PLCB2: variants seen among roughly 807,000 people sequenced by gnomAD.
PLCB2 encodes phospholipase C beta 2.
In PLCB2, 115 loss-of-function variants were observed where a neutral mutation model predicts 141.7. The observed-to-expected ratio is 0.81, with a 90% CI of 0.70 to 0.95. The LOEUF (loss-of-function observed/expected upper bound fraction) is 0.95, where lower values mean the gene tolerates loss of function less well. Ranked by LOEUF, PLCB2 falls within the 40% of genes least tolerant of loss-of-function variation. PLCB2 has a pLI of 0.00. For missense variants in PLCB2, 1,403 were observed against 1,541.1 expected (o/e 0.91, Z 1.50); for synonymous variants, 603 against 595.6 (o/e 1.01, Z -0.18).
chr15:40,305,331 G>A (rs978509482), intron 1 of PLCB2, among the ~76,000 whole-genome samples: 3 of 152,050 alleles, frequency 2.0e-5, no homozygotes, highest in African/African-American at 7.2e-5. Context: ...TTGTCCTAAT[G>A]CTCTCCCTCC....
At chr15:40,284,499 A>C, downstream of PLCB2, 1 of 455,988 alleles carries the variant, frequency 2.2e-6, no homozygotes, top group Non-Finnish European at 4.4e-6. Context: ...CGGGCCTTTT[A>C]AAGATAGGCC....
intron 1 of PLCB2, among the ~76,000 whole-genome samples, chr15:40,306,378 G>A (rs1198750034): frequency 6.6e-6 from 1 of 152,168 alleles, no homozygotes; most frequent in African/African-American, 2.4e-5. Context: ...AGCTTAGGAA[G>A]AAGGACAGTC....
rs1566877217 is a variant in PLCB2 at position 40,293,727 on chromosome 15, G to A, written c.2062-3C>T. On this transcript the variant is annotated splice_region_variant and splice_polypyrimidine_tract_variant and intron_variant, in intron 19 of 31. Coordinates refer to ENST00000260402, the MANE Select transcript of PLCB2 (RefSeq NM_004573.3). ...GACAGGAACTGCCCAGAGATCACCT[G>A]GGGGTAGGGGCCCAGGAAAACCAGC... 6.2e-7 allele frequency: 1 copy of A among 1,603,734 alleles called. No individual in the cohort carries two copies. Among genetic ancestry groups the A allele is most frequent in the South Asian group, 1.1e-5 (1 of 90,870 alleles).
At chr15:40,285,514 CAT>C, downstream of PLCB2, 1 of 984,578 alleles carries the variant, frequency 1.0e-6, no homozygotes, top group Non-Finnish European at 1.2e-6. Context: ...TCTAGAGCTG[CAT>C]AGTTATTTAG....
At chr15:40,289,246 G>A (rs769752570) in intron 31 of PLCB2, 26 bp downstream of exon 31, 4 of 1,583,580 alleles carry the variant, frequency 2.5e-6, no homozygotes, top group Admixed American at 1.7e-5. Context: ...CAGTTCTGCT[G>A]GGGGTCCCAG....
At position 40,302,315 on chromosome 15, in the gene PLCB2, T is replaced by C; in HGVS notation, c.407A>G (p.His136Arg). ...WAEDVLALVK[H>R]PLTANASRST... ...GCGGGAGGCGTTGGCCGTCAGCGGA[T>C]GTTTGACTAGGGCCAGTACGTCCTC... The change falls in exon 5 of 32, where the codon CAT (histidine) becomes CGT (arginine). Residue 136 changes from histidine (H) to arginine (R), a missense_variant. By Grantham distance (29) the His-to-Arg change is conservative. Transcript: ENST00000260402. 1.2e-6 allele frequency: 2 copies of C among 1,614,058 alleles called. No homozygotes were observed. Among genetic ancestry groups the C allele is most frequent in the Admixed American group, 1.7e-5 (1 of 60,022 alleles).
chr15:40,301,415 C>A, intron 7 of PLCB2: 1 of 613,880 alleles, frequency 1.6e-6, no homozygotes, highest in Non-Finnish European at 2.9e-6. Context: ...ATGGGGTGAC[C>A]CTGCTTACAA....
intron 1 of PLCB2, among the ~76,000 whole-genome samples, chr15:40,307,269 C>T (rs550484836): frequency 6.6e-6 from 1 of 152,266 alleles, no homozygotes; most frequent in Admixed American, 6.5e-5. Context: ...CCTGCCTCAG[C>T]TCTGGGGTGC....
chr15:40,306,424 C>G (rs537832385), intron 1 of PLCB2, among the ~76,000 whole-genome samples: 18 of 152,270 alleles, frequency 1.2e-4, no homozygotes, highest in African/African-American at 4.1e-4. Flanking sequence ...CCACTGCCAC[C>G]CTGTGACCCT....
chr15:40,298,032 C>A, intron 11 of PLCB2, 73 bp from the exon 12 acceptor site: 1 of 1,274,020 alleles, frequency 7.8e-7, no homozygotes, highest in Admixed American at 1.8e-5. Flanking sequence ...CACTTTTCCC[C>A]CCTGCCTAGT....
chr15:40,298,336 C>T lies in PLCB2; in HGVS notation c.1042G>A (p.Val348Met). Residue 348 changes from valine to methionine, a missense_variant, in exon 11 of 32, where the codon GTG (valine) becomes ATG (methionine). Around this residue, in one of 4 missense-constraint regions of PLCB2, gnomAD observed 975 missense variants for 1,141.1 expected, o/e 0.85. Transcript: ENST00000260402. Reference sequence around the variant, plus strand: ...ACGCAACGGCAGCCAGAGAGCAGCACCTGGCGGTACATCTCAGCCGAGGAG... The same window carrying T: ...ACGCAACGGCAGCCAGAGAGCAGCATCTGGCGGTACATCTCAGCCGAGGAG... The part of the protein sequence containing the change: ...GLSSAEMYRQ[V>M]LLSGCRCVEL... 6.2e-7 allele frequency: 1 copy of T among 1,604,696 alleles called. No individual in the cohort carries two copies. The highest frequency in any genetic ancestry group is 8.5e-7 in the Non-Finnish European group (1 of 1,173,852).
chr15:40,290,577 C>A lies in PLCB2; in HGVS notation c.3209G>T (p.Arg1070Met), dbSNP rs929381917. The A allele has an allele frequency of 1.2e-6, 2 of 1,612,142 alleles. No homozygotes were observed. The highest frequency in any genetic ancestry group is 2.7e-5 in the African/African-American group (2 of 74,900). Residue 1070 changes from arginine to methionine, a missense_variant and splice_region_variant, in exon 29 of 32, where the codon AGG becomes ATG. Physicochemically the swap from Arg to Met is moderately conservative, Grantham distance 91. Coordinates refer to ENST00000260402, the MANE Select transcript of PLCB2 (RefSeq NM_004573.3). The part of the protein sequence containing the change: ...KVTTDKMAQE[R>M]LKREINNSHI... The stretch of plus-strand genomic sequence containing the variant: ...CCTGGGCCTCCCCTCCAGGGCTCAC[C>A]TCTCCTGGGCCATCTTGTCTGTGGT...
chr15:40,299,283 C>T lies in PLCB2; in HGVS notation c.583-55G>A, dbSNP rs1463619131. ...CCCTCACCTTCTCAGAGCTAAGAACCACAAACTCGGCCCAGCCCTGGTCAA... is the reference window on the plus strand; with the variant it reads ...CCCTCACCTTCTCAGAGCTAAGAACTACAAACTCGGCCCAGCCCTGGTCAA... On this transcript the variant is annotated intron_variant, in intron 7 of 31. Coordinates refer to ENST00000260402, the MANE Select transcript of PLCB2 (RefSeq NM_004573.3). 3.2e-6 allele frequency: 4 copies of T among 1,260,868 alleles called. No homozygotes were observed. The African/African-American group carries it at 5.9e-5, about 19-fold the overall frequency. 78.1% of individuals were successfully genotyped at this position (1,260,868 alleles called of 1,614,324 possible).
intron 1 of PLCB2, among the ~76,000 whole-genome samples, chr15:40,305,533 C>T (rs2040753776): frequency 6.6e-6 from 1 of 152,174 alleles, no homozygotes. Flanking sequence ...TTGCTGGGGT[C>T]CAGGGTGGGC....
rs2040142724 is a variant in PLCB2 at position 40,295,191 on chromosome 15, T to C, written c.1781+10A>G. 6.2e-7 allele frequency: 1 copy of C among 1,612,718 alleles called. No individual in the cohort carries two copies. The highest frequency in any genetic ancestry group is 8.5e-7 in the Non-Finnish European group (1 of 1,178,894). The stretch of plus-strand genomic sequence containing the variant: ...GCCAAGGACCCTGGCCACTGAAACC[T>C]CAAGGATACTCCACAAACTGCACCG... On this transcript the variant is annotated intron_variant, in intron 17 of 31. Coordinates refer to ENST00000260402, the MANE Select transcript of PLCB2 (RefSeq NM_004573.3).
At position 40,288,568 on chromosome 15, in the gene PLCB2, C is replaced by A. The variant is rs1216692778; in HGVS notation, c.*147G>T. 22 of 1,383,828 alleles carry A rather than the reference C, an allele frequency of 1.6e-5. No homozygotes were observed. The highest frequency in any genetic ancestry group is 2.9e-5 in the Admixed American group (1 of 34,078). 85.7% of individuals were successfully genotyped at this position (1,383,828 alleles called of 1,614,324 possible). On this transcript the variant is annotated 3_prime_UTR_variant, in exon 32 of 32. Coordinates refer to ENST00000260402, the MANE Select transcript of PLCB2 (RefSeq NM_004573.3). ...GGTCCTGTCTCAGACTCTGGCCTGG[C>A]CGTTGAGGAGGGGGCTGCAGCGTCC...
In PLCB2 at chr15:40,298,904, T is replaced by C; in HGVS notation, c.744A>G (p.Lys248=). 7 of 1,610,594 alleles carry C rather than the reference T, an allele frequency of 4.3e-6. No individual in the cohort carries two copies. The highest frequency in any genetic ancestry group is 5.9e-6 in the Non-Finnish European group (7 of 1,179,990). ...KEHLTKFINQ[K]QRDSRLNSLL... ...GGGAGTTAAGCCGGGAGTCCCGCTG[T>C]TTCTGGTTGATGAATTTGGTCAGGT... Residue 248 remains lysine, a synonymous_variant, in exon 9 of 32, where the codon AAA becomes AAG. Coordinates refer to ENST00000260402, the MANE Select transcript of PLCB2 (RefSeq NM_004573.3).
chr15:40,287,889 G>C (rs1415923234), downstream of PLCB2: 3 of 977,794 alleles, frequency 3.1e-6, no homozygotes, highest in Non-Finnish European at 3.6e-6. Flanking sequence ...GTAGAATAGA[G>C]ACCAGGCTTA....
At chr15:40,285,935 GA>G, downstream of PLCB2, 1 of 985,500 alleles carries the variant, frequency 1.0e-6, no homozygotes, top group South Asian at 4.7e-5. Flanking sequence ...CAGTTCCAGG[GA>G]AGAAGAGTTG....
Sources: allele counts gnomAD v4.1 joint callset (sites outside exome capture counted in the v4.1 genomes callset), GRCh38; gene constraint gnomAD v4.1.1; regional missense constraint gnomAD v4.1.1; transcripts MANE v1.5; gene names NCBI Gene and HGNC (gene_info 2026-07-23, HGNC 2026-07-21).